UTP18: variants seen among roughly 807,000 people sequenced by gnomAD.
UTP18 encodes the protein U3 small nucleolar RNA-associated protein 18 homolog.
In UTP18, 36 loss-of-function variants were observed where a neutral mutation model predicts 61.1. The ratio of observed to expected loss-of-function variants is 0.59; its 90% confidence interval spans 0.45 to 0.78. The LOEUF (loss-of-function observed/expected upper bound fraction) is 0.78, where lower values mean the gene tolerates loss of function less well. UTP18 is among the 30% of genes least tolerant of loss of function. UTP18 has a pLI of 0.00. For synonymous variants in UTP18, 282 were observed against 251.1 expected (o/e 1.12, Z -1.16); for missense variants, 753 against 693.9 (o/e 1.09, Z -0.96).
chr17:51,291,043 G>A (rs1905225106), intron 11 of UTP18, among the ~76,000 whole-genome samples: 1 of 152,192 alleles, frequency 6.6e-6, no homozygotes, highest in Non-Finnish European at 1.5e-5. Context: ...AATCAAGGAT[G>A]AGCGAGCTTT....
chr17:51,271,405 C>T (rs1904526150), intron 4 of UTP18, among the ~76,000 whole-genome samples: 1 of 151,930 alleles, frequency 6.6e-6, no homozygotes, highest in African/African-American at 2.4e-5. Flanking sequence ...CTCCTGGGTT[C>T]AAGCAATCCT....
chr17:51,269,466 A>G (rs1301031046), intron 4 of UTP18, among the ~76,000 whole-genome samples: 2 of 152,026 alleles, frequency 1.3e-5, no homozygotes, highest in Admixed American at 1.3e-4. Flanking sequence ...TTGGAGTTAC[A>G]TGTTTTAGAC....
intron 3 of UTP18, among the ~76,000 whole-genome samples, chr17:51,268,261 C>T (rs577578667): frequency 2.0e-5 from 3 of 152,206 alleles, no homozygotes; most frequent in Admixed American, 6.5e-5. Flanking sequence ...CTCCTGACCT[C>T]GTGATCCGCC....
At chr17:51,296,943 G>T in intron 12 of UTP18, 22 bp from the exon 13 acceptor site, 1 of 1,602,762 alleles carries the variant, frequency 6.2e-7, no homozygotes, top group South Asian at 1.1e-5. Flanking sequence ...TTGTTCAGAT[G>T]ACTTATTTTT....
At chr17:51,275,198 A>C (rs935770342) in intron 5 of UTP18, among the ~76,000 whole-genome samples, 4 of 107,940 alleles carry the variant, frequency 3.7e-5, no homozygotes, top group Non-Finnish European at 7.0e-5. Flanking sequence ...ACCCAGTCTC[A>C]AAAAAAAAAA....
chr17:51,273,486 T>C (rs1174762920), intron 5 of UTP18, 36 bp downstream of exon 5: 1 of 1,492,330 alleles, frequency 6.7e-7, no homozygotes, highest in Admixed American at 1.8e-5. Flanking sequence ...CCTATCTAAC[T>C]ACTTACCTCT....
intron 3 of UTP18, among the ~76,000 whole-genome samples, chr17:51,268,356 A>C (rs1303974346): frequency 6.6e-6 from 1 of 152,204 alleles, no homozygotes; most frequent in Non-Finnish European, 1.5e-5. Context: ...CACAGCTATC[A>C]TGCTTCTGTT....
intron 7 of UTP18, among the ~76,000 whole-genome samples, chr17:51,279,439 G>A (rs1904838272): frequency 6.6e-6 from 1 of 152,092 alleles, no homozygotes; most frequent in South Asian, 2.1e-4. Flanking sequence ...GTCACATCCA[G>A]AGAAGCTAGT....
Position 51,260,881 on chromosome 17 carries a change from C to A in UTP18, c.297C>A (p.Val99=). Residue 99 remains valine (V), a synonymous_variant, in exon 1 of 14, where the codon GTC becomes GTA. Coordinates refer to ENST00000225298, the MANE Select transcript of UTP18 (RefSeq NM_016001.3). The part of the protein sequence containing the change: ...RCLEELVFGD[V]ENDEDALLRR... ...TGGAGGAGCTGGTCTTCGGCGACGT[C>A]GAGAACGACGAGGACGCGTTGCTGC... 6.2e-7 allele frequency: 1 copy of A among 1,600,050 alleles called. No individual in the cohort carries two copies. Among genetic ancestry groups the A allele is most frequent in the South Asian group, 1.1e-5 (1 of 89,206 alleles).
At chr17:51,270,818 G>C (rs1027090466) in intron 4 of UTP18, among the ~76,000 whole-genome samples, 1 of 152,178 alleles carries the variant, frequency 6.6e-6, no homozygotes, top group Non-Finnish European at 1.5e-5. Flanking sequence ...TTGTGCACAG[G>C]AGAAAAAGGA....
chr17:51,294,692 AT>A (rs1474444547), intron 12 of UTP18, among the ~76,000 whole-genome samples: 4 of 152,082 alleles, frequency 2.6e-5, no homozygotes, highest in Admixed American at 2.0e-4. Context: ...TAGCAGCATG[AT>A]TTATAATCCT....
At chr17:51,296,804 G>C in intron 12 of UTP18, 161 bp from the exon 13 acceptor site, 1 of 609,708 alleles carries the variant, frequency 1.6e-6, no homozygotes, top group Non-Finnish European at 2.8e-6. Flanking sequence ...AGATCCTCCA[G>C]AATGTCAGAT....
intron 1 of UTP18, among the ~76,000 whole-genome samples, chr17:51,262,712 A>G (rs2055519699): frequency 6.6e-6 from 1 of 152,052 alleles, no homozygotes; most frequent in South Asian, 2.1e-4. Context: ...CCACACACCC[A>G]GCTAAATTTA....
intron 3 of UTP18, among the ~76,000 whole-genome samples, chr17:51,266,791 G>T (rs2055566167): frequency 6.6e-6 from 1 of 152,060 alleles, no homozygotes; most frequent in African/African-American, 2.4e-5. Flanking sequence ...AACAGTTTAC[G>T]GCTAGTCCAT....
intron 11 of UTP18, among the ~76,000 whole-genome samples, chr17:51,291,435 G>T (rs1905236498): frequency 6.6e-6 from 1 of 151,942 alleles, no homozygotes. Flanking sequence ...GTCAGTAGCA[G>T]AGATAAAGTT....
intron 11 of UTP18, 44 bp downstream of exon 11, chr17:51,288,247 T>C (rs1324877779): frequency 1.3e-6 from 2 of 1,507,366 alleles, no homozygotes; most frequent in African/African-American, 1.4e-5. Context: ...TTTTTAAATT[T>C]AAGTTGAAAA....
At chr17:51,286,021 A>G in intron 10 of UTP18, among the ~76,000 whole-genome samples, 1 of 152,254 alleles carries the variant, frequency 6.6e-6, no homozygotes, top group East Asian at 1.9e-4. Context: ...AGGAGATAGA[A>G]TAAGTAACTT....
chr17:51,295,932 G>T (rs1406553380), intron 12 of UTP18, among the ~76,000 whole-genome samples: 2 of 152,102 alleles, frequency 1.3e-5, no homozygotes, highest in Non-Finnish European at 2.9e-5. Context: ...CTTTCTTCGT[G>T]CCTTATGTTT....
At chr17:51,276,806 TG>T (rs759141647) in intron 6 of UTP18, among the ~76,000 whole-genome samples, 13 of 152,194 alleles carry the variant, frequency 8.5e-5, no homozygotes, top group Non-Finnish European at 1.6e-4. Flanking sequence ...TCCTTATCTG[TG>T]GGTGGACAAA....
Sources: allele counts gnomAD v4.1 joint callset (sites outside exome capture counted in the v4.1 genomes callset), GRCh38; gene constraint gnomAD v4.1.1; transcripts MANE v1.5; gene names NCBI Gene and HGNC (gene_info 2026-07-23, HGNC 2026-07-21).